The following LMTK3 variants were observed in gnomAD, a reference collection of about 807,000 sequenced individuals.
LMTK3 encodes the protein lemur tail kinase 3.
Under a neutral mutation model 116.7 loss-of-function variants are expected in LMTK3, and 27 were observed. The observed-to-expected ratio is 0.23, with a 90% CI of 0.17 to 0.32. LMTK3 has a LOEUF of 0.32. Ranked by LOEUF, LMTK3 falls within the 10% of genes least tolerant of loss-of-function variation. LMTK3 has a pLI of 1.00. For missense variants in LMTK3, 1,764 were observed against 2,068.5 expected (o/e 0.85, Z 2.86); for synonymous variants, 965 against 971.0 (o/e 0.99, Z 0.11).
chr19:48,502,383 C>T lies in LMTK3; in HGVS notation c.794+50G>A, dbSNP rs376163381. 313 of 1,587,116 alleles carry T rather than the reference C, an allele frequency of 2.0e-4. No homozygotes were observed. In the African/African-American group the frequency reaches 2.2e-3, roughly 11 times the overall value. The stretch of plus-strand genomic sequence containing the variant: ...AGCCCCTCCCCTGAGGCCTCACCTC[C>T]TTCCCCCTTCCCCTTAGTAGCTCCT... On this transcript the variant is annotated intron_variant, in intron 7 of 14. Coordinates refer to ENST00000600059, the MANE Select transcript of LMTK3 (RefSeq NM_001388485.1).
chr19:48,508,042 G>T (rs998262989), intron 5 of LMTK3, among the ~76,000 whole-genome samples: 9 of 152,182 alleles, frequency 5.9e-5, no homozygotes, highest in African/African-American at 2.2e-4. Context: ...TTCTAGAGAG[G>T]ATATAGCAAG....
chr19:48,498,199 T>G lies in LMTK3; in HGVS notation c.2870A>C (p.Lys957Thr), dbSNP rs201586464. 2.5e-5 allele frequency: 41 copies of G among 1,612,794 alleles called. No individual in the cohort carries two copies. The highest frequency in any genetic ancestry group is 5.9e-6 in the Non-Finnish European group (7 of 1,179,586). The change falls in exon 11 of 15, where the codon AAA (lysine) becomes ACA (threonine). Residue 957 changes from lysine (K) to threonine (T), a missense_variant. Lys to Thr is a moderately conservative substitution (Grantham distance 78, BLOSUM62 -1). This residue lies in a region of LMTK3 where 1,028 missense variants were observed against 1,050.6 expected (regional missense o/e 0.98). Transcript: ENST00000600059. The stretch of plus-strand genomic sequence containing the variant: ...TGTCAGCTCCCCATTCTCCAGCACT[T>G]TCTCTTCTCTCTCGGGGGACCCCAG... ...GALGSPEREE[K>T]VLENGELTPP...
In LMTK3 at chr19:48,494,664, C is replaced by T. The variant is rs545231143; in HGVS notation, c.3677-555G>A. 4.0e-4 allele frequency among the ~76,000 whole-genome samples: 61 copies of T among 152,242 alleles called. No homozygotes were observed. Among genetic ancestry groups the T allele is most frequent in the African/African-American group, 1.3e-3 (54 of 41,542 alleles). ...CTCTGAGCCTCTGTTTCCTCACTGG[C>T]AAATGAACAAGGGTCACTTAGCCCT... is the stretch of plus-strand genomic sequence containing the variant. On this transcript the variant is annotated intron_variant, in intron 11 of 14. Coordinates refer to ENST00000600059, the MANE Select transcript of LMTK3 (RefSeq NM_001388485.1). The surrounding 1 kb of genome is among the most constrained non-coding windows in gnomAD (Gnocchi z 4.0).
intron 14 of LMTK3, among the ~76,000 whole-genome samples, chr19:48,489,938 C>G (rs1220312411): frequency 1.3e-5 from 2 of 152,196 alleles, no homozygotes; most frequent in African/African-American, 4.8e-5. Context: ...GGCTCGGCAG[C>G]AGAGGGCAGC....
chr19:48,508,882 G>T lies in LMTK3; in HGVS notation c.526C>A (p.Arg176Ser). The change falls in exon 5 of 15, where the codon CGC becomes AGC. Residue 176 changes from arginine to serine, a missense_variant. Arg to Ser is a moderately radical substitution (Grantham distance 110). Around this residue, in one of 7 missense-constraint regions of LMTK3, gnomAD observed 271 missense variants for 478.2 expected, o/e 0.57. Coordinates refer to ENST00000600059, the MANE Select transcript of LMTK3 (RefSeq NM_001388485.1). Reference protein sequence around the residue: ...LRASAGPLEQRKFISEAQPYR... With the variant: ...LRASAGPLEQSKFISEAQPYR... ...GGCTGTGCTTCCGAGATGAACTTGC[G>T]TTGCTCCAGGGGCCCCGCGCTGGCT... 4.3e-6 allele frequency: 7 copies of T among 1,613,742 alleles called. No individual in the cohort carries two copies. Among genetic ancestry groups the T allele is most frequent in the Non-Finnish European group, 5.1e-6 (6 of 1,179,756 alleles).
At position 48,485,444 on chromosome 19, in the gene LMTK3, G is replaced by A. The variant is rs1320056829; in HGVS notation, c.*329C>T. ...GTCTTGGGCCAGGAGTGGGTGAGGAGGGACCTCCGCTGTGTCGAGGGGCTC... is the reference window on the plus strand; with the variant it reads ...GTCTTGGGCCAGGAGTGGGTGAGGAAGGACCTCCGCTGTGTCGAGGGGCTC... On this transcript the variant is annotated 3_prime_UTR_variant, in exon 15 of 15. Transcript: ENST00000600059. 3.3e-6 allele frequency: 1 copy of A among 306,028 alleles called. No homozygotes were observed. The highest frequency in any genetic ancestry group is 2.2e-5 in the African/African-American group (1 of 45,058). 19.0% of individuals were successfully genotyped at this position (306,028 alleles called of 1,614,324 possible).
Position 48,499,120 on chromosome 19 carries a change from G to A in LMTK3, c.1949C>T (p.Pro650Leu), listed in dbSNP as rs1442080770. The A allele has an allele frequency of 6.4e-7, 1 of 1,558,202 alleles. No individual in the cohort carries two copies. The highest frequency in any genetic ancestry group is 8.6e-7 in the Non-Finnish European group (1 of 1,156,540). ...EEEEEEEGSS[P>L]GEDSSSLGGG... ...TCCAAGGCTGCTGCTGTCTTCCCCTGGGGAGCTGCCCTCCTCCTCCTCCTC... is the reference window on the plus strand; with the variant it reads ...TCCAAGGCTGCTGCTGTCTTCCCCTAGGGAGCTGCCCTCCTCCTCCTCCTC... The change falls in exon 11 of 15, where the codon CCA becomes CTA. Residue 650 changes from proline (P) to leucine (L), a missense_variant. Physicochemically the swap from Pro to Leu is moderately conservative, Grantham distance 98 (BLOSUM62 -3). This residue lies in a region of LMTK3 where 1,028 missense variants were observed against 1,050.6 expected (regional missense o/e 0.98). Transcript: ENST00000600059.
intron 5 of LMTK3, 131 bp from the exon 6 acceptor site, chr19:48,503,127 G>C: frequency 1.5e-6 from 1 of 672,802 alleles, no homozygotes; most frequent in East Asian, 2.7e-5. Flanking sequence ...GTTTTGAGAC[G>C]GAGTCTCGCT....
Position 48,494,922 on chromosome 19 carries a change from C to G in LMTK3, c.3677-813G>C, listed in dbSNP as rs756418275. Among the ~76,000 whole-genome samples the G allele has an allele frequency of 6.6e-6, 1 of 152,188 alleles. No individual in the cohort carries two copies. The highest frequency in any genetic ancestry group is 1.5e-5 in the Non-Finnish European group (1 of 68,026). On this transcript the variant is annotated intron_variant, in intron 11 of 14. Transcript: ENST00000600059. This position sits in a 1 kb window ranked among gnomAD's most constrained non-coding sequence, Gnocchi z 4.0. ...TCCACCTGCCTCACTCCCTCCTTTC[C>G]TTCACATCTGCTCAAAAGTCACACT...
At chr19:48,495,018 T>TTTTG (rs1213250243) in intron 11 of LMTK3, among the ~76,000 whole-genome samples, 13 of 151,814 alleles carry the variant, frequency 8.6e-5, no homozygotes, top group Admixed American at 8.5e-4. Context: ...TTTTTTTGTT[T>TTTTG]TTTTTTTTGA....
In LMTK3 at chr19:48,510,208, C is replaced by T. The variant is rs747491201; in HGVS notation, c.211-35G>A. 1.6e-5 allele frequency: 25 copies of T among 1,597,518 alleles called. No homozygotes were observed. The South Asian group carries it at 2.3e-4, about 15-fold the overall frequency. On this transcript the variant is annotated intron_variant, in intron 2 of 14. Coordinates refer to ENST00000600059, the MANE Select transcript of LMTK3 (RefSeq NM_001388485.1). ...GGAGAGGAGAAGAGGGGTGGGAGAA[C>T]GCAGGGCTGAGAGACACGCCATCGT...
rs1203016145 is a variant in LMTK3, at chr19:48,494,646, CCT to C, written c.3677-539_3677-538del. On this transcript the variant is annotated intron_variant, in intron 11 of 14. Coordinates refer to ENST00000600059, the MANE Select transcript of LMTK3 (RefSeq NM_001388485.1). This position sits in a 1 kb window ranked among gnomAD's most constrained non-coding sequence, Gnocchi z 4.0. The stretch of plus-strand genomic sequence containing the variant: ...ACCCGGCCAGATCCACCTCTCTGAG[CCT>C]CTGTTTCCTCACTGGCAAATGAACA... Among the ~76,000 whole-genome samples, 1 of 152,140 alleles carries C rather than the reference CCT, an allele frequency of 6.6e-6. No individual in the cohort carries two copies. Among genetic ancestry groups the C allele is most frequent in the Non-Finnish European group, 1.5e-5 (1 of 68,034 alleles).
chr19:48,496,373 G>A lies in LMTK3; in HGVS notation c.3676+1020C>T, dbSNP rs183125992. ...GAGTGCAGTGGCACAATCTCGGCTC[G>A]GTGCAAACTCCGCCTCCTGGCTTCA... On this transcript the variant is annotated intron_variant, in intron 11 of 14. Transcript: ENST00000600059. Among the ~76,000 whole-genome samples the A allele has an allele frequency of 1.1e-3, 170 of 151,096 alleles. 2 individuals carry two copies. In the East Asian group the frequency reaches 0.024, roughly 21 times the overall value.
chr19:48,501,947 C>T (rs1311424937), intron 7 of LMTK3, among the ~76,000 whole-genome samples: 3 of 141,040 alleles, frequency 2.1e-5, no homozygotes, highest in Admixed American at 2.1e-4. Context: ...TCTCCTGACT[C>T]CTCCCCCTCC....
intron 12 of LMTK3, among the ~76,000 whole-genome samples, chr19:48,493,225 C>A (rs998400945): frequency 1.3e-5 from 2 of 151,372 alleles, no homozygotes; most frequent in African/African-American, 4.9e-5. Flanking sequence ...TGCCTTCAAA[C>A]CCTGCTGTAG....
In LMTK3 at chr19:48,485,768, G is replaced by A; in HGVS notation, c.*5C>T. On this transcript the variant is annotated 3_prime_UTR_variant, in exon 15 of 15. Coordinates refer to ENST00000600059, the MANE Select transcript of LMTK3 (RefSeq NM_001388485.1). ...AGGGTGCAGCGGGGTCGGGTCTTCG[G>A]GGAATCAATTCTCCACGGGGCCTGA... The A allele has an allele frequency of 1.9e-6, 3 of 1,610,806 alleles. No individual in the cohort carries two copies. The highest frequency in any genetic ancestry group is 3.4e-5 in the Admixed American group (2 of 59,474).
intron 5 of LMTK3, among the ~76,000 whole-genome samples, chr19:48,506,893 T>G (rs968106683): frequency 3.3e-5 from 5 of 152,216 alleles, no homozygotes; most frequent in African/African-American, 4.8e-5. Context: ...CTCGAACTCC[T>G]GACCTCATGA....
chr19:48,494,337 C>T lies in LMTK3; in HGVS notation c.3677-228G>A, dbSNP rs1275178692. On this transcript the variant is annotated intron_variant, in intron 11 of 14. Transcript: ENST00000600059. The surrounding 1 kb of genome is among the most constrained non-coding windows in gnomAD (Gnocchi z 4.0). The stretch of plus-strand genomic sequence containing the variant: ...GCCAACGGCTTTAAGCCGCAACTTC[C>T]CACAGCCCACCAGGCCCTCATGCCC... 6.6e-6 allele frequency among the ~76,000 whole-genome samples: 1 copy of T among 152,216 alleles called. No homozygotes were observed. The highest frequency in any genetic ancestry group is 1.5e-5 in the Non-Finnish European group (1 of 68,028).
intron 5 of LMTK3, among the ~76,000 whole-genome samples, chr19:48,508,076 T>A (rs953837557): frequency 6.6e-6 from 1 of 151,848 alleles, no homozygotes; most frequent in African/African-American, 2.4e-5. Context: ...CGGCAGGGAA[T>A]TGGCTTCCGT....
Sources: allele counts gnomAD v4.1 joint callset (sites outside exome capture counted in the v4.1 genomes callset), GRCh38; gene constraint gnomAD v4.1.1; regional missense constraint gnomAD v4.1.1; non-coding constraint Gnocchi (gnomAD v3.1); transcripts MANE v1.5; gene names NCBI Gene and HGNC (gene_info 2026-07-23, HGNC 2026-07-21).